AGT: variants seen among roughly 807,000 people sequenced by gnomAD.
AGT encodes alpha-1 antiproteinase, antitrypsin.
In AGT, 26 loss-of-function variants were observed where a neutral mutation model predicts 28.1. The ratio of observed to expected loss-of-function variants is 0.92; its 90% CI spans 0.68 to 1.28. The LOEUF (loss-of-function observed/expected upper bound fraction) is 1.28, where lower values mean the gene tolerates loss of function less well. Ranked by LOEUF, AGT falls within the 50% of genes most tolerant of loss-of-function variation. The pLI is 0.00. For missense variants in AGT, 596 were observed against 592.3 expected (o/e 1.01, Z -0.06); for synonymous variants, 259 against 259.6 (o/e 1.00, Z 0.02).
At chr1:230,709,943 C>T (rs1362662891) in intron 2 of AGT, 52 bp downstream of exon 2, 10 of 1,612,202 alleles carry the variant, frequency 6.2e-6, no homozygotes, top group South Asian at 1.1e-5. Flanking sequence ...ATCTCAGCTA[C>T]ACATTGGATA....
upstream of AGT, among the ~76,000 whole-genome samples, chr1:230,715,489 G>A (rs1003635399): frequency 6.6e-6 from 1 of 152,116 alleles, no homozygotes; most frequent in Non-Finnish European, 1.5e-5. Context: ...CTCGAGCCTG[G>A]GCTACAGAGT....
chr1:230,706,508 T>A (rs1199295233), intron 2 of AGT, among the ~76,000 whole-genome samples: 2 of 152,204 alleles, frequency 1.3e-5, no homozygotes, highest in Non-Finnish European at 2.9e-5. Context: ...AAGCCACTGG[T>A]ACCTGCCAGG....
rs999090440 is a variant in AGT at position 230,722,112 on chromosome 1, C to T, written c.-30-11259G>A. The stretch of plus-strand genomic sequence containing the variant: ...TGCAGCCTCTGGACTTGGTGTCCTA[C>T]GTTCCAACCCCTCCAGCTTAAGCCA... On this transcript the variant is annotated intron_variant, in intron 1 of 4. Transcript: ENST00000681269. Among the ~76,000 whole-genome samples the T allele has an allele frequency of 3.3e-5, 5 of 152,350 alleles. No homozygotes were observed. In the South Asian group the frequency reaches 6.2e-4, roughly 19 times the overall value.
chr1:230,705,477 G>A (rs574062480), intron 3 of AGT, among the ~76,000 whole-genome samples: 6 of 152,104 alleles, frequency 3.9e-5, no homozygotes, highest in South Asian at 2.1e-4. Flanking sequence ...CAGCAAGGGC[G>A]TTCTGGAGTC....
At chr1:230,733,064 C>G (rs1276187349) in intron 1 of AGT, among the ~76,000 whole-genome samples, 2 of 152,028 alleles carry the variant, frequency 1.3e-5, no homozygotes, top group African/African-American at 4.8e-5. Context: ...GGTGGATCAT[C>G]TGAGGTCGGG....
At chr1:230,704,574 C>A (rs1663329911) in intron 3 of AGT, among the ~76,000 whole-genome samples, 1 of 152,254 alleles carries the variant, frequency 6.6e-6, no homozygotes, top group Middle Eastern at 3.2e-3. Flanking sequence ...CGATGAGGAC[C>A]TAGGAATGGT....
chr1:230,712,185 G>A (rs1044473904), intron 1 of AGT, among the ~76,000 whole-genome samples: 3 of 152,170 alleles, frequency 2.0e-5, no homozygotes, highest in East Asian at 1.9e-4. Context: ...CCTTGGAGCT[G>A]TAGCGTGTCA....
rs1663545413 is a variant in AGT, at chr1:230,710,430, C to A, written c.394G>T (p.Gly132Cys). The A allele has an allele frequency of 3.7e-6, 6 of 1,614,216 alleles. No homozygotes were observed. Among genetic ancestry groups the A allele is most frequent in the Non-Finnish European group, 5.1e-6 (6 of 1,180,030 alleles). Reference sequence around the variant, plus strand: ...CCCAGATAGAGAGAGGCCAGGGTGCCAAAGACAGCCGTTGGGGAGAGGACG... The same window carrying A: ...CCCAGATAGAGAGAGGCCAGGGTGCAAAAGACAGCCGTTGGGGAGAGGACG... ...ATVLSPTAVF[G>C]TLASLYLGAL... The change falls in exon 2 of 5, where the codon GGC (glycine) becomes TGC (cysteine). Residue 132 changes from glycine (G) to cysteine (C), a missense_variant. By Grantham distance (159) the Gly-to-Cys change is radical. Transcript: ENST00000366667.
chr1:230,729,672 C>A lies in AGT; in HGVS notation c.-31+15843G>T, dbSNP rs904212183. Among the ~76,000 whole-genome samples, 7 of 152,254 alleles carry A rather than the reference C, an allele frequency of 4.6e-5. No individual in the cohort carries two copies. In the South Asian group the frequency reaches 1.5e-3, roughly 32 times the overall value. The stretch of plus-strand genomic sequence containing the variant: ...CCTCCTGTCACAAAGATGTAAGAAG[C>A]TTGTTTTTCTCTAGATAAAGCCCAT... On this transcript the variant is annotated intron_variant, in intron 1 of 4. Transcript: ENST00000681269.
At chr1:230,707,811 T>C (rs2493132) in intron 2 of AGT, among the ~76,000 whole-genome samples, 60,862 of 152,034 alleles carry the variant, frequency 0.4, 13,083 homozygotes, top group East Asian at 0.66. Flanking sequence ...TCGTCTGACA[T>C]GCACAGCTCA....
chr1:230,741,045 C>G (rs954780655), intron 1 of AGT, among the ~76,000 whole-genome samples: 2 of 152,178 alleles, frequency 1.3e-5, no homozygotes, highest in South Asian at 4.1e-4. Flanking sequence ...TAGCATCAAC[C>G]TCCAGCTCCT....
At chr1:230,709,814 AG>A (rs1663516885) in intron 2 of AGT, among the ~76,000 whole-genome samples, 180 bp downstream of exon 2, 1 of 152,246 alleles carries the variant, frequency 6.6e-6, no homozygotes, top group Non-Finnish European at 1.5e-5. Flanking sequence ...CAGCAGGTCC[AG>A]GAGGTGGACG....
At chr1:230,729,176 C>T (rs1004172915) in intron 1 of AGT, among the ~76,000 whole-genome samples, 3 of 152,160 alleles carry the variant, frequency 2.0e-5, no homozygotes, top group African/African-American at 7.2e-5. Flanking sequence ...ACCACCATGC[C>T]CTTTGACCCC....
intron 1 of AGT, among the ~76,000 whole-genome samples, chr1:230,739,856 G>A (rs1166653249): frequency 6.6e-6 from 1 of 152,160 alleles, no homozygotes; most frequent in Non-Finnish European, 1.5e-5. Flanking sequence ...CTGGAAAGGG[G>A]TCCTGATCCA....
intron 4 of AGT, among the ~76,000 whole-genome samples, chr1:230,703,697 C>T (rs1487911557): frequency 6.6e-6 from 1 of 152,252 alleles, no homozygotes; most frequent in African/African-American, 2.4e-5. Context: ...AGGGCTCTTC[C>T]CGCTGGCCCC....
rs1415738983 is a variant in AGT at position 230,708,716 on chromosome 1, A to G, written c.829+1279T>C. On this transcript the variant is annotated intron_variant, in intron 2 of 4. Coordinates refer to ENST00000366667, the MANE Select transcript of AGT (RefSeq NM_001384479.1). ...CACACCCCTCAGCCCCACCCCACCC[A>G]TGGATTTGCCGAGCTGCTCCCTGAG... 2.0e-5 allele frequency among the ~76,000 whole-genome samples: 3 copies of G among 151,770 alleles called. No individual in the cohort carries two copies. In the East Asian group the frequency reaches 5.8e-4, roughly 30 times the overall value.
intron 2 of AGT, among the ~76,000 whole-genome samples, chr1:230,708,062 C>T (rs937046366): frequency 1.3e-5 from 2 of 152,144 alleles, no homozygotes; most frequent in African/African-American, 2.4e-5. Flanking sequence ...CCGAGACAGC[C>T]CCCGATCTCC....
intron 1 of AGT, among the ~76,000 whole-genome samples, chr1:230,712,722 T>G (rs1049419388): frequency 6.6e-6 from 1 of 152,242 alleles, no homozygotes; most frequent in Admixed American, 6.5e-5. Flanking sequence ...GGGCCATTTT[T>G]GAGGCAGAGA....
intron 1 of AGT, among the ~76,000 whole-genome samples, chr1:230,737,238 C>T (rs1478361477): frequency 8.5e-5 from 13 of 152,172 alleles, no homozygotes; most frequent in Non-Finnish European, 1.5e-5. Context: ...AAAACCCTGA[C>T]ACATGCAGGA....
Sources: allele counts gnomAD v4.1 joint callset (sites outside exome capture counted in the v4.1 genomes callset), GRCh38; gene constraint gnomAD v4.1.1; transcripts MANE v1.5; gene names NCBI Gene and HGNC (gene_info 2026-07-23, HGNC 2026-07-21).